The following MACROD2 variants were observed in gnomAD, a reference collection of about 807,000 sequenced individuals.
MACROD2 encodes ADP-ribose glycohydrolase MACROD2.
Under a neutral mutation model 70.4 loss-of-function variants are expected in MACROD2, and 36 were observed. The ratio of observed to expected loss-of-function variants is 0.51; its 90% CI spans 0.39 to 0.68. The LOEUF is 0.68. MACROD2 is among the 30% of genes least tolerant of loss of function. The pLI is 0.00. For missense variants in MACROD2, 496 were observed against 538.4 expected (o/e 0.92, Z 0.78); for synonymous variants, 172 against 178.8 (o/e 0.96, Z 0.30).
At chr20:15,324,627 C>T (rs995558485) in intron 6 of MACROD2, among the ~76,000 whole-genome samples, 1 of 152,174 alleles carries the variant, frequency 6.6e-6, no homozygotes, top group South Asian at 2.1e-4. Context: ...TAGCCTCTAA[C>T]CTGTGTCATC....
At chr20:14,150,554 A>G (rs1053412595) in intron 3 of MACROD2, among the ~76,000 whole-genome samples, 2 of 152,202 alleles carry the variant, frequency 1.3e-5, no homozygotes, top group Non-Finnish European at 2.9e-5. Context: ...AACTAGAGAT[A>G]ATATAAAAAT....
chr20:14,052,436 T>G (rs2053579622), intron 2 of MACROD2, among the ~76,000 whole-genome samples: 1 of 152,172 alleles, frequency 6.6e-6, no homozygotes, highest in Admixed American at 6.6e-5. Context: ...TTAATACAAA[T>G]CTTATTTGTA....
intron 8 of MACROD2, among the ~76,000 whole-genome samples, chr20:15,559,569 G>T (rs2146603951): frequency 6.6e-6 from 1 of 152,318 alleles, no homozygotes; most frequent in South Asian, 2.1e-4. Flanking sequence ...TGAGGACAAA[G>T]AGCTGAATTC....
chr20:15,116,909 A>G (rs1339330266), intron 5 of MACROD2, among the ~76,000 whole-genome samples: 1 of 152,190 alleles, frequency 6.6e-6, no homozygotes, highest in Admixed American at 6.5e-5. Flanking sequence ...TCAAGGGTCA[A>G]TTGTATATTC....
chr20:15,394,255 G>A (rs975305614), intron 6 of MACROD2, among the ~76,000 whole-genome samples: 1 of 152,216 alleles, frequency 6.6e-6, no homozygotes, highest in African/African-American at 2.4e-5. Context: ...TGAGCTAGGA[G>A]CATCTATTAG....
chr20:14,366,126 G>C (rs150993253), intron 3 of MACROD2, among the ~76,000 whole-genome samples: 2 of 152,228 alleles, frequency 1.3e-5, no homozygotes, highest in Admixed American at 1.3e-4. Flanking sequence ...TCTGTTTATA[G>C]TGTTGTCCAA....
intron 4 of MACROD2, among the ~76,000 whole-genome samples, chr20:14,626,608 A>G (rs1028655942): frequency 1.3e-5 from 2 of 152,146 alleles, no homozygotes; most frequent in African/African-American, 4.8e-5. Flanking sequence ...TAAGATTTCC[A>G]TCAAACTTGA....
intron 15 of MACROD2, among the ~76,000 whole-genome samples, chr20:16,006,452 T>G (rs1213139535): frequency 6.6e-6 from 1 of 152,160 alleles, no homozygotes; most frequent in Non-Finnish European, 1.5e-5. Flanking sequence ...GCAACACAGA[T>G]TTGCACCCTA....
chr20:14,461,995 A>C (rs1179777695), intron 3 of MACROD2, among the ~76,000 whole-genome samples: 2 of 152,004 alleles, frequency 1.3e-5, no homozygotes, highest in African/African-American at 4.8e-5. Context: ...TCCTTTGGGT[A>C]TATACCCAGT....
intron 3 of MACROD2, among the ~76,000 whole-genome samples, chr20:14,169,834 C>A (rs2081204918): frequency 6.6e-6 from 1 of 151,988 alleles, no homozygotes; most frequent in Non-Finnish European, 1.5e-5. Flanking sequence ...TTTATATAAT[C>A]CAAGTTTCTA....
chr20:15,785,127 G>C (rs938544302), intron 8 of MACROD2, among the ~76,000 whole-genome samples: 1 of 149,270 alleles, frequency 6.7e-6, no homozygotes, highest in African/African-American at 2.5e-5. Context: ...ACTCCAGCCT[G>C]GGTGACAGAG....
At chr20:14,955,203 T>G (rs1287258806) in intron 5 of MACROD2, among the ~76,000 whole-genome samples, 1 of 129,338 alleles carries the variant, frequency 7.7e-6, no homozygotes, top group Non-Finnish European at 1.6e-5. Flanking sequence ...TAATATATCA[T>G]TTACATAATA....
chr20:15,994,072 T>G (rs112699718), intron 15 of MACROD2, among the ~76,000 whole-genome samples: 57 of 152,334 alleles, frequency 3.7e-4, no homozygotes, highest in African/African-American at 1.3e-3. Context: ...GCCCTTTTTT[T>G]AACCTGTTTA....
intron 8 of MACROD2, among the ~76,000 whole-genome samples, chr20:15,616,917 C>A (rs954531439): frequency 4.6e-5 from 7 of 152,182 alleles, no homozygotes; most frequent in African/African-American, 1.4e-4. Context: ...ACTCCCTTCT[C>A]CCTGACTGCT....
intron 3 of MACROD2, among the ~76,000 whole-genome samples, chr20:14,492,252 T>G (rs1024016191): frequency 6.6e-6 from 1 of 152,200 alleles, no homozygotes; most frequent in Non-Finnish European, 1.5e-5. Context: ...TTAATGACAT[T>G]GCTACTTGGG....
In MACROD2 at chr20:15,686,111, A is replaced by G. The variant is rs562962825; in HGVS notation, c.646-176634A>G. 5.9e-5 allele frequency among the ~76,000 whole-genome samples: 9 copies of G among 152,348 alleles called. No individual in the cohort carries two copies. The South Asian group carries it at 1.0e-3, about 18-fold the overall frequency. ...GAAATGATGAGTTGGCCCAAAGACA[A>G]TGAGATGATTGATGGACTTAAACTT... On this transcript the variant is annotated intron_variant, in intron 8 of 17. Coordinates refer to ENST00000684519, the MANE Select transcript of MACROD2 (RefSeq NM_001351661.2).
chr20:14,300,521 T>C (rs1223822964), intron 3 of MACROD2, among the ~76,000 whole-genome samples: 1 of 152,184 alleles, frequency 6.6e-6, no homozygotes, highest in African/African-American at 2.4e-5. Flanking sequence ...CTTTAGAAAA[T>C]TGACAAGCTT....
intron 5 of MACROD2, among the ~76,000 whole-genome samples, chr20:14,822,171 A>G (rs930729466): frequency 6.6e-6 from 1 of 152,086 alleles, no homozygotes; most frequent in Non-Finnish European, 1.5e-5. Flanking sequence ...GTAAAACTTG[A>G]TGGACCTTAG....
At chr20:14,870,446 T>C (rs1017512447) in intron 5 of MACROD2, among the ~76,000 whole-genome samples, 2 of 152,214 alleles carry the variant, frequency 1.3e-5, no homozygotes, top group African/African-American at 4.8e-5. Flanking sequence ...TGTATTCCTT[T>C]GGGTATATAA....
Sources: allele counts gnomAD v4.1 joint callset (sites outside exome capture counted in the v4.1 genomes callset), GRCh38; gene constraint gnomAD v4.1.1; transcripts MANE v1.5; gene names NCBI Gene and HGNC (gene_info 2026-07-23, HGNC 2026-07-21).